Variants in FRMD5 observed in about 807,000 individuals in gnomAD.
FRMD5 encodes FERM domain containing 5.
In FRMD5, 20 loss-of-function variants were observed where a neutral mutation model predicts 69.0. That is an observed-to-expected ratio of 0.29 (90% confidence interval 0.20 to 0.42). FRMD5 has a LOEUF of 0.42. Ranked by LOEUF, FRMD5 falls within the 10% of genes least tolerant of loss-of-function variation. FRMD5 has a pLI of 1.00. For missense variants in FRMD5, 595 were observed against 708.6 expected, an observed-to-expected ratio of 0.84 and a Z score of 1.82; for synonymous variants, 271 against 260.1, an observed-to-expected ratio of 1.04 and a Z score of -0.40.
At chr15:43,924,745 C>A (rs968192899) in intron 1 of FRMD5, among the ~76,000 whole-genome samples, 4 of 152,204 alleles carry the variant, frequency 2.6e-5, no homozygotes, top group African/African-American at 7.2e-5. Flanking sequence ...CACCATCCCT[C>A]AACAGGACCA....
intron 4 of FRMD5, among the ~76,000 whole-genome samples, chr15:43,912,211 A>T (rs1470145185): frequency 1.3e-5 from 2 of 152,196 alleles, no homozygotes; most frequent in Non-Finnish European, 2.9e-5. Context: ...CTCAGACCAA[A>T]GGGAAGGTGA....
chr15:44,133,098 T>C (rs2077127112), intron 1 of FRMD5, among the ~76,000 whole-genome samples: 1 of 151,506 alleles, frequency 6.6e-6, no homozygotes, highest in African/African-American at 2.4e-5. Flanking sequence ...TTAAAAATGA[T>C]GACACTTAAA....
chr15:44,153,729 G>A (rs957270298), intron 1 of FRMD5, among the ~76,000 whole-genome samples: 8 of 152,210 alleles, frequency 5.3e-5, no homozygotes, highest in Non-Finnish European at 1.0e-4. Context: ...AGCACTTTGG[G>A]AGGCCCAGGC....
intron 11 of FRMD5, 163 bp downstream of exon 11, chr15:43,885,518 G>T: frequency 1.6e-6 from 1 of 642,104 alleles, no homozygotes; most frequent in Non-Finnish European, 2.8e-6. Context: ...TGTAGGGAAG[G>T]AAGGAAATAG....
intron 1 of FRMD5, among the ~76,000 whole-genome samples, chr15:44,093,230 AT>A (rs921442141): frequency 1.6e-4 from 25 of 152,048 alleles, no homozygotes; most frequent in African/African-American, 6.0e-4. Context: ...GCACCCAGCC[AT>A]TACTCCCTTT....
At chr15:44,001,924 T>C (rs1890232017) in intron 1 of FRMD5, among the ~76,000 whole-genome samples, 1 of 152,094 alleles carries the variant, frequency 6.6e-6, no homozygotes, top group Non-Finnish European at 1.5e-5. Context: ...TTTCACCATG[T>C]TGGCTAGGCT....
At chr15:43,927,532 A>G (rs989775181) in intron 1 of FRMD5, among the ~76,000 whole-genome samples, 3 of 152,198 alleles carry the variant, frequency 2.0e-5, no homozygotes, top group African/African-American at 7.2e-5. Context: ...AGAGAGTGAG[A>G]AGAGCTTAAA....
chr15:43,884,967 A>G, intron 11 of FRMD5, 172 bp from the exon 12 acceptor site: 1 of 572,640 alleles, frequency 1.7e-6, no homozygotes, highest in East Asian at 2.8e-5. Context: ...AGACTTCTAA[A>G]CTGTCATGAC....
intron 1 of FRMD5, among the ~76,000 whole-genome samples, chr15:44,139,179 C>CA (rs2077229896): frequency 6.6e-6 from 1 of 151,946 alleles, no homozygotes; most frequent in South Asian, 2.1e-4. Flanking sequence ...AGGGGATGTT[C>CA]AAATACACTA....
intron 1 of FRMD5, among the ~76,000 whole-genome samples, chr15:43,959,994 C>T (rs577685791): frequency 3.3e-5 from 5 of 151,992 alleles, no homozygotes; most frequent in African/African-American, 7.3e-5. Flanking sequence ...CTCGGCTCAA[C>T]GCAACCTCCA....
Position 44,050,528 on chromosome 15 carries a change from CTTTTTTT to C in FRMD5, c.103-126226_103-126220del, listed in dbSNP as rs34133842. 3.2e-5 allele frequency among the ~76,000 whole-genome samples: 3 copies of C among 93,746 alleles called. 1 individual carries two copies. The highest frequency in any genetic ancestry group is 1.0e-4 in the African/African-American group (3 of 28,624). The allele number at this position is 93,746 out of a possible 152,430, so 61.5% of individuals were successfully genotyped here. A position where few individuals can be genotyped will look rare whatever the true frequency, so the allele number is the denominator to read the frequency against. On this transcript the variant is annotated intron_variant, in intron 1 of 13. Transcript: ENST00000417257. ...GGCACATGCCACCATGCCTGGCTCC[CTTTTTTT>C]TTTTTTTTTTTTTTGGTAGAGATAT...
intron 1 of FRMD5, among the ~76,000 whole-genome samples, chr15:44,098,822 T>C (rs967745169): frequency 1.3e-5 from 2 of 152,212 alleles, no homozygotes; most frequent in African/African-American, 4.8e-5. Flanking sequence ...TTTTCCAACA[T>C]CTACACACTT....
chr15:43,911,283 T>C (rs1352522005), intron 4 of FRMD5, among the ~76,000 whole-genome samples: 1 of 152,242 alleles, frequency 6.6e-6, no homozygotes, highest in East Asian at 1.9e-4. Context: ...CTCACTTCTA[T>C]CAATAGAATA....
At chr15:43,899,463 A>C (rs2088992608) in intron 7 of FRMD5, among the ~76,000 whole-genome samples, 2 of 152,178 alleles carry the variant, frequency 1.3e-5, no homozygotes, top group African/African-American at 2.4e-5. Context: ...ACTTGAGTTC[A>C]AATTCTTGCT....
intron 1 of FRMD5, among the ~76,000 whole-genome samples, chr15:44,042,241 G>A (rs1387400803): frequency 2.0e-5 from 3 of 152,146 alleles, no homozygotes; most frequent in Non-Finnish European, 4.4e-5. Flanking sequence ...GGAAGAAGTT[G>A]AATCCCTGAA....
At chr15:44,184,758 C>G (rs527897073) in intron 1 of FRMD5, among the ~76,000 whole-genome samples, 2 of 152,132 alleles carry the variant, frequency 1.3e-5, no homozygotes, top group East Asian at 3.9e-4. Flanking sequence ...TTGTGGAATT[C>G]AGAAAGTGAA....
At chr15:44,010,771 G>T (rs565645641) in intron 1 of FRMD5, among the ~76,000 whole-genome samples, 195 of 152,184 alleles carry the variant, frequency 1.3e-3, no homozygotes, top group African/African-American at 4.5e-3. Context: ...CAGAAAGGAA[G>T]TTAAACAAAC....
chr15:44,068,156 T>C (rs780078319), intron 1 of FRMD5, among the ~76,000 whole-genome samples: 3 of 152,158 alleles, frequency 2.0e-5, no homozygotes, highest in Non-Finnish European at 4.4e-5. Flanking sequence ...TATAAAATGG[T>C]TCAGCCATTT....
intron 1 of FRMD5, among the ~76,000 whole-genome samples, chr15:43,952,423 CTA>C (rs1462641518): frequency 2.0e-5 from 3 of 152,274 alleles, no homozygotes; most frequent in South Asian, 2.1e-4. Context: ...TGTAATTACT[CTA>C]TATAACTCTG....
Sources: allele counts gnomAD v4.1 joint callset (sites outside exome capture counted in the v4.1 genomes callset), GRCh38; gene constraint gnomAD v4.1.1; transcripts MANE v1.5; gene names NCBI Gene and HGNC (gene_info 2026-07-23, HGNC 2026-07-21).